WWOX: variants seen among roughly 807,000 people sequenced by gnomAD.
WWOX encodes the protein WW domain containing oxidoreductase.
WWOX carries 69 observed loss-of-function variants against 46.2 expected under a neutral mutation model. That is an observed-to-expected ratio of 1.49 (90% CI 1.23 to 1.82). The LOEUF is 1.82. WWOX is among the 40% of genes most tolerant of loss of function. The pLI is 0.00. For missense variants in WWOX, 919 were observed against 542.6 expected (o/e 1.69, Z -6.89); for synonymous variants, 359 against 202.6 (o/e 1.77, Z -6.56).
intron 5 of WWOX, among the ~76,000 whole-genome samples, chr16:78,234,781 C>G (rs9935831): frequency 0.15 from 16,687 of 113,580 alleles, 1,074 homozygotes; most frequent in South Asian, 0.3. Context: ...TAAAACAAAA[C>G]AAAACAAAAC....
intron 8 of WWOX, among the ~76,000 whole-genome samples, chr16:78,637,885 T>C (rs2046612707): frequency 6.6e-6 from 1 of 152,116 alleles, no homozygotes; most frequent in Non-Finnish European, 1.5e-5. Context: ...CCTCTGTAAT[T>C]GGTACCAGCA....
chr16:79,107,553 G>C (rs983886656), intron 8 of WWOX, among the ~76,000 whole-genome samples: 10 of 152,172 alleles, frequency 6.6e-5, no homozygotes, highest in Non-Finnish European at 1.5e-4. Flanking sequence ...CTTTTGGATA[G>C]CCCAAAGACC....
At chr16:79,132,365 G>A (rs2049897704) in intron 8 of WWOX, among the ~76,000 whole-genome samples, 2 of 152,164 alleles carry the variant, frequency 1.3e-5, no homozygotes, top group African/African-American at 4.8e-5. Context: ...GGTGGATTTT[G>A]CTCAAGAATA....
chr16:78,370,495 G>GT (rs66577179), intron 5 of WWOX, among the ~76,000 whole-genome samples: 54 of 151,642 alleles, frequency 3.6e-4, no homozygotes, highest in East Asian at 2.2e-3. Context: ...TATCTACGAT[G>GT]TTTTTTTTTT....
chr16:78,316,798 G>A (rs1489245531), intron 5 of WWOX, among the ~76,000 whole-genome samples: 1 of 152,194 alleles, frequency 6.6e-6, no homozygotes, highest in African/African-American at 2.4e-5. Context: ...AGGGTAGACT[G>A]CTAGCTCTAG....
At chr16:78,827,532 G>A (rs1051351625) in intron 8 of WWOX, among the ~76,000 whole-genome samples, 1 of 152,078 alleles carries the variant, frequency 6.6e-6, no homozygotes, top group Non-Finnish European at 1.5e-5. Context: ...CTGGAAGAGT[G>A]AGGTCTAAGA....
intron 5 of WWOX, among the ~76,000 whole-genome samples, chr16:78,203,978 G>A (rs115518087): frequency 2.2e-4 from 33 of 152,338 alleles, no homozygotes; most frequent in African/African-American, 7.7e-4. Flanking sequence ...TGGGTAACAA[G>A]TGTGTATCTA....
chr16:78,991,046 G>A (rs1271184989), intron 8 of WWOX, among the ~76,000 whole-genome samples: 1 of 152,200 alleles, frequency 6.6e-6, no homozygotes, highest in African/African-American at 2.4e-5. Context: ...GAACAGAGCA[G>A]GACACTCTGG....
At chr16:78,650,984 C>T (rs779157443) in intron 8 of WWOX, among the ~76,000 whole-genome samples, 5 of 152,206 alleles carry the variant, frequency 3.3e-5, no homozygotes, top group Non-Finnish European at 7.3e-5. Context: ...CAGAGGGATT[C>T]GTAAGCTTAG....
chr16:78,519,205 C>G (rs937636052), intron 8 of WWOX, among the ~76,000 whole-genome samples: 12 of 152,104 alleles, frequency 7.9e-5, no homozygotes, highest in African/African-American at 2.2e-4. Context: ...TGTTACCTGC[C>G]TTACCCAGCT....
chr16:79,194,473 C>G (rs1191576258), intron 8 of WWOX, among the ~76,000 whole-genome samples: 2 of 152,176 alleles, frequency 1.3e-5, no homozygotes, highest in Admixed American at 6.5e-5. Flanking sequence ...GTTATGAACT[C>G]ACAGAGGAAG....
At position 78,978,840 on chromosome 16, in the gene WWOX, C is replaced by T. The variant is rs551296241; in HGVS notation, c.1057-232768C>T. Among the ~76,000 whole-genome samples the T allele has an allele frequency of 2.6e-5, 4 of 152,230 alleles. No homozygotes were observed. The South Asian group carries it at 6.2e-4, about 24-fold the overall frequency. ...ATGACTCAGTCACCTCCCACCAGGC[C>T]CCACCTCCAACACTGGGGATTACAA... On this transcript the variant is annotated intron_variant, in intron 8 of 8. Transcript: ENST00000566780.
chr16:78,633,027 C>G (rs891976069), intron 8 of WWOX, among the ~76,000 whole-genome samples: 1 of 152,096 alleles, frequency 6.6e-6, no homozygotes, highest in African/African-American at 2.4e-5. Flanking sequence ...CTTTGGGACA[C>G]TGAGGTGGGT....
At chr16:78,630,286 G>A (rs920375397) in intron 8 of WWOX, among the ~76,000 whole-genome samples, 9 of 152,170 alleles carry the variant, frequency 5.9e-5, no homozygotes, top group African/African-American at 1.9e-4. Context: ...ACTGTCGCAA[G>A]CTTGGCTCTT....
intron 8 of WWOX, among the ~76,000 whole-genome samples, chr16:78,652,709 T>A (rs908838647): frequency 1.3e-5 from 2 of 152,160 alleles, no homozygotes; most frequent in Non-Finnish European, 2.9e-5. Context: ...AGATGCCAAA[T>A]TTGTTCTTTT....
intron 8 of WWOX, among the ~76,000 whole-genome samples, chr16:79,055,431 A>T (rs1597331082): frequency 6.6e-6 from 1 of 152,040 alleles, no homozygotes; most frequent in Non-Finnish European, 1.5e-5. Flanking sequence ...ATGCCTGACT[A>T]CCCTGAGACT....
intron 8 of WWOX, among the ~76,000 whole-genome samples, chr16:78,496,643 C>T (rs2084925996): frequency 6.6e-6 from 1 of 152,234 alleles, no homozygotes; most frequent in Non-Finnish European, 1.5e-5. Flanking sequence ...GGGATGCATT[C>T]TATGCACCCC....
chr16:78,480,662 C>CTG (rs1172254180), intron 8 of WWOX, among the ~76,000 whole-genome samples: 1 of 152,212 alleles, frequency 6.6e-6, no homozygotes, highest in Non-Finnish European at 1.5e-5. Flanking sequence ...CACAGATGCA[C>CTG]TGACACAGGT....
rs146765973 is a variant in WWOX at position 78,500,129 on chromosome 16, G to C, written c.1056+67377G>C. 6.4e-4 allele frequency among the ~76,000 whole-genome samples: 98 copies of C among 152,280 alleles called. 2 individuals are homozygous for C. The East Asian group carries it at 0.016, about 24-fold the overall frequency. ...TTTTTGGTGTGCCATTCTAATGCAT[G>C]AGCTCATTTTGAGCCAAGGATAGCT... On this transcript the variant is annotated intron_variant, in intron 8 of 8. Coordinates refer to ENST00000566780, the MANE Select transcript of WWOX (RefSeq NM_016373.4).
Sources: gnomAD v4.1 joint callset for allele counts (sites outside exome capture counted in the v4.1 genomes callset) on GRCh38, gnomAD v4.1.1 for gene constraint, MANE v1.5 for transcripts, NCBI Gene and HGNC (gene_info 2026-07-23, HGNC 2026-07-21) for gene names.